Variants in AP4E1 observed in about 807,000 individuals in gnomAD.
The protein encoded by AP4E1 is adaptor related protein complex 4 subunit epsilon 1.
AP4E1 carries 56 observed loss-of-function variants against 128.2 expected under a neutral mutation model. The ratio of observed to expected loss-of-function variants is 0.44; its 90% CI spans 0.35 to 0.55. The LOEUF (loss-of-function observed/expected upper bound fraction) is 0.55, where lower values mean the gene tolerates loss of function less well. AP4E1 is among the 20% of genes least tolerant of loss of function. AP4E1 has a pLI of 0.00. For synonymous variants in AP4E1, 484 were observed against 473.1 expected, an observed-to-expected ratio of 1.02 and a Z score of -0.30; for missense variants, 1,324 against 1,307.7, an observed-to-expected ratio of 1.01 and a Z score of -0.19.
At chr15:50,941,352 T>C in intron 8 of AP4E1, 90 bp from the exon 9 acceptor site, 1 of 1,437,534 alleles carries the variant, frequency 7.0e-7, no homozygotes, top group Non-Finnish European at 9.6e-7. Flanking sequence ...AAATGGACTT[T>C]CCAATTAGTT....
chr15:50,944,686 A>G (rs552460234), intron 10 of AP4E1: 1 of 458,066 alleles, frequency 2.2e-6, no homozygotes, highest in African/African-American at 2.0e-5. Context: ...CTGAGCCAGA[A>G]TCTGGACAAT....
chr15:50,951,842 T>C (rs1250347609), intron 13 of AP4E1, among the ~76,000 whole-genome samples: 3 of 151,860 alleles, frequency 2.0e-5, no homozygotes, highest in African/African-American at 7.3e-5. Flanking sequence ...TTCTCCTGTC[T>C]TGGCATCCCG....
chr15:50,974,069 G>T (rs930181092), intron 15 of AP4E1, among the ~76,000 whole-genome samples: 1 of 152,076 alleles, frequency 6.6e-6, no homozygotes, highest in African/African-American at 2.4e-5. Flanking sequence ...GGGTTCAAGT[G>T]ATTCTCCTGC....
chr15:50,948,501 A>G (rs968714214), intron 11 of AP4E1, among the ~76,000 whole-genome samples: 1 of 152,008 alleles, frequency 6.6e-6, no homozygotes, highest in Non-Finnish European at 1.5e-5. Context: ...TTTTTGGGGA[A>G]AGTGGAGGGT....
chr15:50,934,438 G>T, intron 7 of AP4E1, 186 bp from the exon 8 acceptor site: 3 of 508,572 alleles, frequency 5.9e-6, no homozygotes, highest in Non-Finnish European at 3.6e-6. Context: ...CTTTGATAAA[G>T]TAGGAAGTTC....
chr15:51,000,857 G>T (rs1026597119), intron 19 of AP4E1, among the ~76,000 whole-genome samples, 169 bp from the exon 20 acceptor site: 8 of 152,164 alleles, frequency 5.3e-5, no homozygotes, highest in African/African-American at 1.7e-4. Flanking sequence ...TTTTCATCAG[G>T]TTGGAGGATG....
intron 1 of AP4E1, among the ~76,000 whole-genome samples, chr15:50,909,935 T>G (rs2063544301): frequency 6.6e-6 from 1 of 152,032 alleles, no homozygotes; most frequent in African/African-American, 2.4e-5. Flanking sequence ...TCCGCCCGCC[T>G]TGGCGTCCCA....
chr15:50,943,542 A>T (rs1273119477), intron 10 of AP4E1, among the ~76,000 whole-genome samples: 2 of 152,172 alleles, frequency 1.3e-5, no homozygotes, highest in Non-Finnish European at 2.9e-5. Flanking sequence ...AAGAGACAGT[A>T]ACAAATAATT....
At chr15:50,979,658 G>A (rs959260447) in intron 15 of AP4E1, among the ~76,000 whole-genome samples, 10 of 152,074 alleles carry the variant, frequency 6.6e-5, no homozygotes, top group Non-Finnish European at 1.2e-4. Context: ...CCGAGTAGCT[G>A]GGATTACAGG....
intron 14 of AP4E1, among the ~76,000 whole-genome samples, chr15:50,959,466 A>G (rs920578398): frequency 3.3e-5 from 5 of 152,200 alleles, no homozygotes; most frequent in South Asian, 2.1e-4. Flanking sequence ...ACGAGTAAGT[A>G]TACTATACAC....
intron 11 of AP4E1, among the ~76,000 whole-genome samples, chr15:50,948,458 A>G (rs568366667): frequency 1.4e-4 from 21 of 148,518 alleles, no homozygotes; most frequent in South Asian, 4.2e-4. Context: ...CTCTACTTCT[A>G]TCTTGATTTC....
At position 51,002,731 on chromosome 15, in the gene AP4E1, A is replaced by ACC. The variant is rs1169335876; in HGVS notation, c.*69_*70insCC. The ACC allele has an allele frequency of 9.0e-6, 14 of 1,563,426 alleles. No individual in the cohort carries two copies. Among genetic ancestry groups the ACC allele is most frequent in the African/African-American group, 4.1e-5 (3 of 73,880 alleles). On this transcript the variant is annotated 3_prime_UTR_variant, in exon 21 of 21. Coordinates refer to ENST00000261842, the MANE Select transcript of AP4E1 (RefSeq NM_007347.5). Reference sequence around the variant, plus strand: ...CATAGATAAACTTATTTACCAAAGTAAAAAGAACTCATGGTACTTCTAATG... The same window carrying ACC: ...CATAGATAAACTTATTTACCAAAGTACCAAAAGAACTCATGGTACTTCTAATG...
rs531295501 is a variant in AP4E1, at chr15:50,940,371, A to G, written c.944-1071A>G. Reference sequence around the variant, plus strand: ...TTTTTTTGTCTTTTCTTTCCTTGTAAATTTGAGAAAAAGACAGAGGTTTAT... The same window carrying G: ...TTTTTTTGTCTTTTCTTTCCTTGTAGATTTGAGAAAAAGACAGAGGTTTAT... On this transcript the variant is annotated intron_variant, in intron 8 of 20. Transcript: ENST00000261842. Among the ~76,000 whole-genome samples, 130 of 152,146 alleles carry G rather than the reference A, an allele frequency of 8.5e-4. 2 individuals are homozygous for G. The highest frequency in any genetic ancestry group is 3.1e-3 in the African/African-American group (127 of 41,508).
chr15:50,924,110 C>A, intron 4 of AP4E1, 106 bp downstream of exon 4: 1 of 896,054 alleles, frequency 1.1e-6, no homozygotes. Flanking sequence ...AGTGGGCTTG[C>A]AGAATGGGCT....
chr15:50,996,013 G>C (rs2064866068), intron 17 of AP4E1, among the ~76,000 whole-genome samples: 1 of 100,424 alleles, frequency 1.0e-5, no homozygotes, highest in Admixed American at 1.4e-4. Flanking sequence ...TTTTGAGACA[G>C]AATCTTGCTC....
chr15:50,949,762 C>A, intron 11 of AP4E1, 64 bp from the exon 12 acceptor site: 2 of 1,252,604 alleles, frequency 1.6e-6, no homozygotes, highest in East Asian at 2.3e-5. Context: ...TAAAAGATTG[C>A]TACAGAAGGG....
intron 13 of AP4E1, among the ~76,000 whole-genome samples, chr15:50,957,671 C>CTTGTTTTTTTT (rs2064245495): frequency 1.1e-5 from 1 of 88,006 alleles, no homozygotes; most frequent in African/African-American, 4.9e-5. Context: ...ACAAGCGTTT[C>CTTGTTTTTTTT]TTTTTTTTTT....
At chr15:50,960,611 CTATGTAA>C (rs1382410761) in intron 14 of AP4E1, among the ~76,000 whole-genome samples, 8 of 151,838 alleles carry the variant, frequency 5.3e-5, no homozygotes, top group African/African-American at 1.9e-4. Context: ...TTACCAAAAC[CTATGTAA>C]TATGGCAAAA....
intron 15 of AP4E1, among the ~76,000 whole-genome samples, chr15:50,974,290 A>T (rs2064522940): frequency 7.5e-6 from 1 of 133,390 alleles, no homozygotes; most frequent in African/African-American, 2.9e-5. Context: ...TTTTTGAGAC[A>T]GTGTCTCATT....
Sources: gnomAD v4.1 joint callset for allele counts (sites outside exome capture counted in the v4.1 genomes callset) on GRCh38, gnomAD v4.1.1 for gene constraint, MANE v1.5 for transcripts, NCBI Gene and HGNC (gene_info 2026-07-23, HGNC 2026-07-21) for gene names.